The following MMRN1 variants were observed in gnomAD, a reference collection of about 807,000 sequenced individuals.
MMRN1 encodes the protein multimerin-1.
A neutral mutation model predicts 100.7 loss-of-function variants in MMRN1; 94 were observed. The ratio of observed to expected loss-of-function variants is 0.93; its 90% CI spans 0.79 to 1.11. The LOEUF (loss-of-function observed/expected upper bound fraction) is 1.11, where lower values mean the gene tolerates loss of function less well. Ranked by LOEUF, MMRN1 falls within the 50% of genes least tolerant of loss-of-function variation. The probability of loss-of-function intolerance (pLI) is 0.00; values close to 1 mark genes in which losing one functional copy is unlikely to be tolerated. For missense variants in MMRN1, 1,606 were observed against 1,439.1 expected, an observed-to-expected ratio of 1.12 and a Z score of -1.88; for synonymous variants, 575 against 505.0, an observed-to-expected ratio of 1.14 and a Z score of -1.86.
chr4:89,883,164 C>A (rs1032468131), intron 1 of MMRN1, among the ~76,000 whole-genome samples: 3 of 151,970 alleles, frequency 2.0e-5, no homozygotes, highest in Non-Finnish European at 2.9e-5. Flanking sequence ...TTTATATCTT[C>A]TTCTCTTGAT....
intron 5 of MMRN1, among the ~76,000 whole-genome samples, chr4:89,931,608 C>T (rs1326329475): frequency 2.0e-5 from 3 of 152,086 alleles, no homozygotes; most frequent in Non-Finnish European, 4.4e-5. Context: ...ACTCACAGTT[C>T]CACATGGCTG....
At chr4:89,915,919 G>A (rs1721897685) in intron 3 of MMRN1, among the ~76,000 whole-genome samples, 1 of 151,730 alleles carries the variant, frequency 6.6e-6, no homozygotes, top group Non-Finnish European at 1.5e-5. Flanking sequence ...GCAAAGGTCT[G>A]TGCTCAAGTG....
At position 89,895,304 on chromosome 4, in the gene MMRN1, G is replaced by A; in HGVS notation, c.333G>A (p.Lys111=). The A allele has an allele frequency of 6.2e-7, 1 of 1,613,402 alleles. No individual in the cohort carries two copies. The highest frequency in any genetic ancestry group is 8.5e-7 in the Non-Finnish European group (1 of 1,179,916). Residue 111 remains lysine, a synonymous_variant, in exon 1 of 8, where the codon AAG becomes AAA. Transcript: ENST00000264790. ...TSTEKAEGVV[K]LQNLTLPTNA... is the part of the protein sequence containing the mutation. ...CAGAGAAAGCAGAAGGAGTGGTCAA[G>A]TTACAGAATCTTACCCTCCCAACCA...
At chr4:89,879,948 A>G (rs982708939) in intron 1 of MMRN1, among the ~76,000 whole-genome samples, 37 of 152,278 alleles carry the variant, frequency 2.4e-4, no homozygotes, top group African/African-American at 8.7e-4. Flanking sequence ...TGTACTGTGG[A>G]ACTGTTAATC....
At chr4:89,937,740 A>G (rs548866181) in intron 6 of MMRN1, among the ~76,000 whole-genome samples, 16 of 152,192 alleles carry the variant, frequency 1.1e-4, no homozygotes, top group Admixed American at 2.6e-4. Context: ...GCCTTAATGC[A>G]TGACACTTGG....
At chr4:89,941,263 G>A (rs940693265) in intron 6 of MMRN1, among the ~76,000 whole-genome samples, 1 of 152,146 alleles carries the variant, frequency 6.6e-6, no homozygotes, top group Non-Finnish European at 1.5e-5. Context: ...CAATAGAAGT[G>A]CTCACAGGAT....
At chr4:89,942,583 G>A (rs778913357) in intron 6 of MMRN1, among the ~76,000 whole-genome samples, 6 of 151,876 alleles carry the variant, frequency 4.0e-5, no homozygotes, top group Admixed American at 2.0e-4. Context: ...GCTTAAAATG[G>A]GCTCTCCAAA....
At chr4:89,895,728 T>C (rs998940411) in intron 1 of MMRN1, 134 bp downstream of exon 1, 4 of 1,379,522 alleles carry the variant, frequency 2.9e-6, no homozygotes, top group Non-Finnish European at 3.8e-6. Flanking sequence ...ATTTCACCAT[T>C]TCAGTTAGAT....
In MMRN1 at chr4:89,953,222, T is replaced by C; in HGVS notation, c.3491T>C (p.Val1164Ala). 1.2e-6 allele frequency: 2 copies of C among 1,613,892 alleles called. No individual in the cohort carries two copies. Among genetic ancestry groups the C allele is most frequent in the South Asian group, 2.2e-5 (2 of 91,072 alleles). Residue 1164 changes from valine (V) to alanine (A), a missense_variant, in exon 8 of 8, where the codon GTT (valine) becomes GCT (alanine). Coordinates refer to ENST00000264790, the MANE Select transcript of MMRN1 (RefSeq NM_007351.3). ...GCTCATATTTCTGGATTTTTAGTGG[T>C]TGATGGAATAGACAAGCTTGCATTT... Reference protein sequence around the residue: ...FSAHISGFLVVDGIDKLAFES... With the variant: ...FSAHISGFLVADGIDKLAFES...
At chr4:89,922,344 G>A (rs1370571009) in intron 3 of MMRN1, among the ~76,000 whole-genome samples, 2 of 152,072 alleles carry the variant, frequency 1.3e-5, no homozygotes, top group Non-Finnish European at 2.9e-5. Flanking sequence ...GACCTCAAGT[G>A]ATCCACCTGC....
At chr4:89,905,623 T>C (rs2110590985) in intron 1 of MMRN1, among the ~76,000 whole-genome samples, 1 of 151,668 alleles carries the variant, frequency 6.6e-6, no homozygotes, top group Non-Finnish European at 1.5e-5. Context: ...GAATGTTAAT[T>C]TTCAGAAGCA....
chr4:89,889,332 G>T (rs1242948717), intron 1 of MMRN1, among the ~76,000 whole-genome samples: 1 of 152,086 alleles, frequency 6.6e-6, no homozygotes, highest in African/African-American at 2.4e-5. Context: ...AGAATTATGT[G>T]CCGTCTTGAC....
chr4:89,895,154 G>A lies in MMRN1; in HGVS notation c.183G>A (p.Met61Ile). The change falls in exon 1 of 8, where the codon ATG becomes ATA. Residue 61 changes from methionine to isoleucine, a missense_variant. Met to Ile is a conservative substitution (Grantham distance 10). Transcript: ENST00000264790. The part of the protein sequence containing the change: ...SLQILPTTRV[M>I]SAEIATTPEA... Reference sequence around the variant, plus strand: ...AAATACTGCCAACCACTCGGGTCATGTCGGCGGAGATAGCTACAACTCCAG... The same window carrying A: ...AAATACTGCCAACCACTCGGGTCATATCGGCGGAGATAGCTACAACTCCAG... 6.2e-7 allele frequency: 1 copy of A among 1,613,858 alleles called. No individual in the cohort carries two copies. The highest frequency in any genetic ancestry group is 8.5e-7 in the Non-Finnish European group (1 of 1,179,918).
At chr4:89,922,098 TATTGATTG>T (rs369090427) in intron 3 of MMRN1, among the ~76,000 whole-genome samples, 1 of 151,932 alleles carries the variant, frequency 6.6e-6, no homozygotes, top group African/African-American at 2.4e-5. Context: ...TTATTTTAAT[TATTGATTG>T]ATTGATTGAT....
rs201293723 is a variant in MMRN1 at position 89,895,449 on chromosome 4, G to A, written c.478G>A (p.Gly160Arg). ...ACAAGCAACTTCTCTAAACACAGTT[G>A]GAGGCACTGGAGGCATTGGAGGCGT... ...NEQATSLNTV[G>R]GTGGIGGVGG... Residue 160 changes from glycine to arginine, a missense_variant, in exon 1 of 8, where the codon GGA (glycine) becomes AGA (arginine). Coordinates refer to ENST00000264790, the MANE Select transcript of MMRN1 (RefSeq NM_007351.3). The A allele has an allele frequency of 2.7e-5, 44 of 1,613,734 alleles. No individual in the cohort carries two copies. The Admixed American group carries it at 5.8e-4, about 21-fold the overall frequency.
chr4:89,918,741 G>A (rs997026484), intron 3 of MMRN1, among the ~76,000 whole-genome samples: 10 of 151,722 alleles, frequency 6.6e-5, no homozygotes, highest in African/African-American at 2.4e-4. Context: ...ACTTTGCCTG[G>A]AACTCCTGGT....
In MMRN1 at chr4:89,944,950, A is replaced by G. The variant is rs1213875809; in HGVS notation, c.3119-6655A>G. 2.0e-5 allele frequency among the ~76,000 whole-genome samples: 3 copies of G among 152,180 alleles called. No individual in the cohort carries two copies. The South Asian group carries it at 6.2e-4, about 31-fold the overall frequency. ...AATACATAGTCGTATAACCTTCACCATAATCAAGATAGGGATCAGTTCCAT... is the reference window on the plus strand; with the variant it reads ...AATACATAGTCGTATAACCTTCACCGTAATCAAGATAGGGATCAGTTCCAT... On this transcript the variant is annotated intron_variant, in intron 6 of 7. Transcript: ENST00000264790.
intron 1 of MMRN1, among the ~76,000 whole-genome samples, chr4:89,889,675 A>G (rs900362991): frequency 2.2e-4 from 34 of 152,172 alleles, no homozygotes; most frequent in African/African-American, 7.2e-4. Flanking sequence ...CCAGGGCTTT[A>G]GTTTATGTAT....
chr4:89,942,742 C>T (rs998277926), intron 6 of MMRN1, among the ~76,000 whole-genome samples: 5 of 151,892 alleles, frequency 3.3e-5, no homozygotes, highest in Admixed American at 3.3e-4. Context: ...ACCCTAAAAT[C>T]AAATTACCAG....
Sources: allele counts gnomAD v4.1 joint callset (sites outside exome capture counted in the v4.1 genomes callset), GRCh38; gene constraint gnomAD v4.1.1; transcripts MANE v1.5; gene names NCBI Gene and HGNC (gene_info 2026-07-23, HGNC 2026-07-21).